The following NTM variants were observed in gnomAD, a reference collection of about 807,000 sequenced individuals.
NTM encodes the protein neurotrimin, also known as IgLON family member 2.
In NTM, 13 loss-of-function variants were observed where a neutral mutation model predicts 42.1. The ratio of observed to expected loss-of-function variants is 0.31; its 90% CI spans 0.20 to 0.49. The LOEUF (loss-of-function observed/expected upper bound fraction) is 0.49. NTM is among the 20% of genes least tolerant of loss of function. The pLI is 0.99. For missense variants in NTM, 373 were observed against 452.8 expected, an observed-to-expected ratio of 0.82 and a Z score of 1.60; for synonymous variants, 187 against 179.2, an observed-to-expected ratio of 1.04 and a Z score of -0.35.
chr11:131,853,149 A>G (rs1481109607), intron 1 of NTM, among the ~76,000 whole-genome samples: 1 of 152,034 alleles, frequency 6.6e-6, no homozygotes, highest in Non-Finnish European at 1.5e-5. Flanking sequence ...GATGCTGGCA[A>G]TAAGAGAAGA....
chr11:132,171,532 C>G (rs1399856938), intron 3 of NTM, among the ~76,000 whole-genome samples: 1 of 152,080 alleles, frequency 6.6e-6, no homozygotes, highest in African/African-American at 2.4e-5. Context: ...AAAGCTTTGC[C>G]CTCATAACTT....
At chr11:132,108,684 A>G (rs947369693) in intron 2 of NTM, among the ~76,000 whole-genome samples, 1 of 152,168 alleles carries the variant, frequency 6.6e-6, no homozygotes, top group Non-Finnish European at 1.5e-5. Context: ...ATTGAAATAA[A>G]AAATTTAAAA....
At chr11:131,473,939 A>C (rs1268246536) in intron 1 of NTM, among the ~76,000 whole-genome samples, 1 of 152,110 alleles carries the variant, frequency 6.6e-6, no homozygotes, top group Non-Finnish European at 1.5e-5. Context: ...GTTTTCCCTT[A>C]AAATTAAGAA....
intron 8 of NTM, 77 bp downstream of exon 8, chr11:132,330,262 C>G (rs1363603905): frequency 6.7e-7 from 1 of 1,498,094 alleles, no homozygotes; most frequent in Non-Finnish European, 9.1e-7. Flanking sequence ...TCCCAGATGC[C>G]TTCTTTCCTG....
At chr11:132,120,283 T>A (rs1318198981) in intron 2 of NTM, among the ~76,000 whole-genome samples, 2 of 152,176 alleles carry the variant, frequency 1.3e-5, no homozygotes, top group African/African-American at 4.8e-5. Flanking sequence ...GGGACCAAGA[T>A]TTTTGAGAGA....
chr11:132,307,878 A>G, intron 5 of NTM, 55 bp downstream of exon 5: 1 of 1,567,124 alleles, frequency 6.4e-7, no homozygotes, highest in South Asian at 1.1e-5. Flanking sequence ...GCCTGTTGTC[A>G]CAGCCACCAC....
At chr11:131,714,427 G>C (rs1247620425) in intron 1 of NTM, among the ~76,000 whole-genome samples, 1 of 152,040 alleles carries the variant, frequency 6.6e-6, no homozygotes, top group Middle Eastern at 3.2e-3. Context: ...CTGACTTCAG[G>C]TGATACACCC....
intron 1 of NTM, among the ~76,000 whole-genome samples, chr11:131,811,085 C>A (rs536412945): frequency 6.6e-6 from 1 of 152,206 alleles, no homozygotes; most frequent in African/African-American, 2.4e-5. Flanking sequence ...TTCCAATGTG[C>A]TTTCCTGAGT....
chr11:132,314,758 AGCTGGGTGGGAGG>A, intron 7 of NTM, 55 bp downstream of exon 7: 2 of 1,538,914 alleles, frequency 1.3e-6, no homozygotes, highest in Non-Finnish European at 8.7e-7. Flanking sequence ...AGAACGGGAG[AGCTGGGTGGGAGG>A]GCCCCTCAAG....
intron 2 of NTM, among the ~76,000 whole-genome samples, chr11:132,132,621 G>T (rs2067027674): frequency 6.6e-6 from 1 of 152,176 alleles, no homozygotes; most frequent in African/African-American, 2.4e-5. Context: ...CCATGCTCCT[G>T]CGGAGTCCTT....
intron 3 of NTM, among the ~76,000 whole-genome samples, chr11:132,175,034 G>T (rs1344658841): frequency 5.9e-5 from 9 of 152,156 alleles, no homozygotes; most frequent in African/African-American, 2.2e-4. Context: ...CAGCCTGCTG[G>T]AGGGAGTTTA....
intron 1 of NTM, among the ~76,000 whole-genome samples, chr11:131,514,302 G>C (rs555475173): frequency 6.6e-6 from 1 of 152,276 alleles, no homozygotes; most frequent in South Asian, 2.1e-4. Flanking sequence ...CTACTTGATA[G>C]TGTTGTAAAA....
chr11:131,998,643 A>G (rs1593547554), intron 2 of NTM, among the ~76,000 whole-genome samples: 1 of 152,142 alleles, frequency 6.6e-6, no homozygotes, highest in Non-Finnish European at 1.5e-5. Flanking sequence ...TCCGTCGGTC[A>G]CCCTGGCCAC....
At chr11:131,822,726 T>G (rs2093242869) in intron 1 of NTM, among the ~76,000 whole-genome samples, 1 of 152,168 alleles carries the variant, frequency 6.6e-6, no homozygotes, top group Admixed American at 6.5e-5. Context: ...TTCATTAACT[T>G]CCCATTGCTT....
intron 2 of NTM, among the ~76,000 whole-genome samples, chr11:132,101,511 T>A (rs929311221): frequency 6.6e-6 from 1 of 151,990 alleles, no homozygotes; most frequent in African/African-American, 2.4e-5. Context: ...TCTGTAATGT[T>A]GTCAAGCTAA....
intron 7 of NTM, chr11:132,317,692 T>C (rs1040244677): frequency 1.5e-6 from 2 of 1,302,562 alleles, no homozygotes; most frequent in Admixed American, 4.6e-5. Flanking sequence ...TGTTGCAAGG[T>C]CAGTATCTTC....
intron 1 of NTM, among the ~76,000 whole-genome samples, chr11:131,796,677 A>G (rs1165500838): frequency 6.6e-6 from 1 of 152,240 alleles, no homozygotes; most frequent in African/African-American, 2.4e-5. Flanking sequence ...TGAGAGACAC[A>G]GGAGCTTATC....
chr11:131,711,694 C>T (rs1221021420), intron 1 of NTM, among the ~76,000 whole-genome samples: 3,829 of 151,652 alleles, frequency 0.025, 135 homozygotes, highest in African/African-American at 0.082. Flanking sequence ...ATGTTTATTG[C>T]GGCACTATTC....
chr11:131,713,606 T>C (rs1456696433), intron 1 of NTM, among the ~76,000 whole-genome samples: 1 of 152,184 alleles, frequency 6.6e-6, no homozygotes, highest in African/African-American at 2.4e-5. Flanking sequence ...TATATGTTTA[T>C]ACTACAAGTA....
Sources: allele counts gnomAD v4.1 joint callset (sites outside exome capture counted in the v4.1 genomes callset), GRCh38; gene constraint gnomAD v4.1.1; transcripts MANE v1.5; gene names NCBI Gene and HGNC (gene_info 2026-07-23, HGNC 2026-07-21).